The following EPHA6 variants were observed in gnomAD, a reference collection of about 807,000 sequenced individuals.
The protein encoded by EPHA6 is ephrin type-A receptor 6.
In EPHA6, 50 loss-of-function variants were observed where a neutral mutation model predicts 112.0. The ratio of observed to expected loss-of-function variants is 0.45; its 90% confidence interval spans 0.36 to 0.56. The LOEUF (loss-of-function observed/expected upper bound fraction) is 0.56, where lower values mean the gene tolerates loss of function less well. Ranked by LOEUF, EPHA6 falls within the 20% of genes least tolerant of loss-of-function variation. The pLI is 0.00. For synonymous variants in EPHA6, 529 were observed against 490.7 expected, an observed-to-expected ratio of 1.08 and a Z score of -1.03; for missense variants, 1,280 against 1,417.4, an observed-to-expected ratio of 0.90 and a Z score of 1.56.
At chr3:96,867,594 G>C (rs1337412553) in intron 2 of EPHA6, among the ~76,000 whole-genome samples, 2 of 151,698 alleles carry the variant, frequency 1.3e-5, no homozygotes. Context: ...TTTTTGTCTA[G>C]TTAATCAAAA....
chr3:97,157,949 C>CA (rs1214234750), intron 3 of EPHA6, among the ~76,000 whole-genome samples: 1 of 152,052 alleles, frequency 6.6e-6, no homozygotes, highest in East Asian at 1.9e-4. Context: ...CAAGTTGACA[C>CA]AAAAAATTAA....
At chr3:97,181,362 G>A (rs745348686) in intron 3 of EPHA6, among the ~76,000 whole-genome samples, 18 of 151,980 alleles carry the variant, frequency 1.2e-4, no homozygotes, top group Non-Finnish European at 1.8e-4. Context: ...TTCTTATGAA[G>A]GTGTTTTTTC....
intron 11 of EPHA6, among the ~76,000 whole-genome samples, chr3:97,592,067 C>G (rs958344836): frequency 2.0e-5 from 3 of 152,156 alleles, no homozygotes; most frequent in African/African-American, 7.2e-5. Flanking sequence ...TGTCTTGTCC[C>G]TAATGGAAAA....
chr3:97,155,268 C>T (rs1344152813), intron 3 of EPHA6, among the ~76,000 whole-genome samples: 4 of 148,388 alleles, frequency 2.7e-5, no homozygotes, highest in African/African-American at 1.0e-4. Context: ...AACCTCAGAC[C>T]AAAACCCCTC....
intron 11 of EPHA6, among the ~76,000 whole-genome samples, chr3:97,587,774 G>C (rs1416270718): frequency 6.6e-6 from 1 of 152,026 alleles, no homozygotes; most frequent in Admixed American, 6.6e-5. Flanking sequence ...TTGCTTACTT[G>C]GGCCTTTATT....
intron 11 of EPHA6, among the ~76,000 whole-genome samples, chr3:97,583,800 G>T (rs577553893): frequency 6.6e-6 from 1 of 152,226 alleles, no homozygotes; most frequent in South Asian, 2.1e-4. Flanking sequence ...AAAGTTTATA[G>T]AGAAAGTTTA....
chr3:97,761,081 T>G lies in EPHA6; in HGVS notation c.*12380T>G, dbSNP rs753075911. On this transcript the variant is annotated 3_prime_UTR_variant, in exon 18 of 18. Coordinates refer to ENST00000389672, the MANE Select transcript of EPHA6 (RefSeq NM_001080448.3). The stretch of plus-strand genomic sequence containing the variant: ...GGTTATAATCACAATATGGTAGAGC[T>G]ATAAACAAGGTAAAAAGGTGTTAAC... The G allele has an allele frequency of 2.4e-4, 51 of 208,426 alleles. No homozygotes were observed. Among genetic ancestry groups the G allele is most frequent in the Non-Finnish European group, 6.8e-5 (7 of 102,374 alleles). 12.9% of individuals were successfully genotyped at this position (208,426 alleles called of 1,614,324 possible).
intron 4 of EPHA6, among the ~76,000 whole-genome samples, chr3:97,234,300 T>C (rs2078618594): frequency 6.6e-6 from 1 of 152,044 alleles, no homozygotes; most frequent in Non-Finnish European, 1.5e-5. Context: ...ATAGTATATA[T>C]TCAAATTTAT....
chr3:97,322,304 C>A (rs11713853), intron 5 of EPHA6, among the ~76,000 whole-genome samples: 1 of 151,800 alleles, frequency 6.6e-6, no homozygotes, highest in Admixed American at 6.6e-5. Flanking sequence ...AAATAAAAGA[C>A]AGTTAATTAC....
chr3:97,639,055 A>G (rs76098670), intron 14 of EPHA6, among the ~76,000 whole-genome samples: 397 of 152,172 alleles, frequency 2.6e-3, no homozygotes, highest in African/African-American at 9.1e-3. Flanking sequence ...GGAATATTTT[A>G]TGCCTTGCTA....
chr3:97,141,211 A>G (rs2075893261), intron 3 of EPHA6, among the ~76,000 whole-genome samples: 1 of 152,120 alleles, frequency 6.6e-6, no homozygotes, highest in African/African-American at 2.4e-5. Flanking sequence ...GGAAAGGGAT[A>G]TGTAGCCATA....
chr3:96,980,291 C>G lies in EPHA6; in HGVS notation c.451-7039C>G, dbSNP rs1228644597. On this transcript the variant is annotated intron_variant, in intron 2 of 17. Transcript: ENST00000389672. ...CTATGGCTAGCCAGTTTTCCCAGCA[C>G]CATTTATTAAATAGGGAATCCTTTC... Among the ~76,000 whole-genome samples, 6 of 152,270 alleles carry G rather than the reference C, an allele frequency of 3.9e-5. No individual in the cohort carries two copies. In the East Asian group the frequency reaches 5.8e-4, roughly 15 times the overall value.
intron 1 of EPHA6, among the ~76,000 whole-genome samples, chr3:96,853,207 GTTTTA>G (rs144299067): frequency 0.013 from 1,982 of 151,940 alleles, 47 homozygotes; most frequent in African/African-American, 0.044. Flanking sequence ...TCAATATTTT[GTTTTA>G]TTTTCTGAGG....
chr3:97,124,360 A>G (rs544596778), intron 3 of EPHA6, among the ~76,000 whole-genome samples: 28 of 151,962 alleles, frequency 1.8e-4, no homozygotes, highest in Non-Finnish European at 3.7e-4. Context: ...ATATTTGAGT[A>G]TTTTATTAAG....
intron 3 of EPHA6, among the ~76,000 whole-genome samples, chr3:97,170,566 A>G (rs1025846744): frequency 9.9e-5 from 15 of 152,008 alleles, no homozygotes; most frequent in Admixed American, 9.8e-4. Context: ...GCAAAACCTC[A>G]TCTCTACTAA....
chr3:97,727,364 G>GT (rs1192044513), intron 15 of EPHA6, among the ~76,000 whole-genome samples: 2 of 151,976 alleles, frequency 1.3e-5, no homozygotes, highest in African/African-American at 4.8e-5. Context: ...GAATTGATTT[G>GT]TTTTTTCCAA....
At chr3:97,224,009 T>A (rs1462575963) in intron 3 of EPHA6, among the ~76,000 whole-genome samples, 1 of 151,950 alleles carries the variant, frequency 6.6e-6, no homozygotes, top group Admixed American at 6.6e-5. Flanking sequence ...CTAAAGTACA[T>A]ACAGGATTTC....
chr3:97,047,889 G>C (rs1484615319), intron 3 of EPHA6, among the ~76,000 whole-genome samples: 1 of 152,054 alleles, frequency 6.6e-6, no homozygotes, highest in Non-Finnish European at 1.5e-5. Flanking sequence ...AAGACATTTG[G>C]CAGTCATTCA....
intron 1 of EPHA6, among the ~76,000 whole-genome samples, chr3:96,826,512 A>C (rs755728635): frequency 1.3e-4 from 20 of 152,224 alleles, no homozygotes; most frequent in Middle Eastern, 3.4e-3. Flanking sequence ...GTCTAAGATT[A>C]TCCTGTTCAG....
Sources: allele counts gnomAD v4.1 joint callset (sites outside exome capture counted in the v4.1 genomes callset), GRCh38; gene constraint gnomAD v4.1.1; transcripts MANE v1.5; gene names NCBI Gene and HGNC (gene_info 2026-07-23, HGNC 2026-07-21).